The following AGTPBP1 variants were observed in gnomAD, a reference collection of about 807,000 sequenced individuals.
AGTPBP1 encodes the protein cytosolic carboxypeptidase 1.
Under a neutral mutation model 143.9 loss-of-function variants are expected in AGTPBP1, and 70 were observed. The ratio of observed to expected loss-of-function variants is 0.49; its 90% CI spans 0.40 to 0.59. The LOEUF (loss-of-function observed/expected upper bound fraction) is 0.59, where lower values mean the gene tolerates loss of function less well. Among genes scored for constraint, AGTPBP1 ranks in the 20% least tolerant of loss-of-function variants. The probability of loss-of-function intolerance (pLI) is 0.00; values close to 1 mark genes in which losing one functional copy is unlikely to be tolerated. For missense variants in AGTPBP1, 1,229 were observed against 1,464.5 expected (o/e 0.84, Z 2.62); for synonymous variants, 463 against 500.2 (o/e 0.93, Z 0.99).
chr9:85,643,582 A>G (rs905828554), intron 12 of AGTPBP1, among the ~76,000 whole-genome samples: 3 of 152,334 alleles, frequency 2.0e-5, no homozygotes, highest in African/African-American at 7.2e-5. Context: ...AGAAAAACTC[A>G]GTGTCACCAT....
chr9:85,722,012 G>C (rs1838160530), intron 1 of AGTPBP1, among the ~76,000 whole-genome samples: 1 of 152,156 alleles, frequency 6.6e-6, no homozygotes, highest in Non-Finnish European at 1.5e-5. Flanking sequence ...CTCTCTTCTG[G>C]CTTGTAGGGT....
chr9:85,639,510 CATT>C (rs1386752379), intron 13 of AGTPBP1, among the ~76,000 whole-genome samples: 1 of 152,028 alleles, frequency 6.6e-6, no homozygotes, highest in Non-Finnish European at 1.5e-5. Flanking sequence ...GCACTTTAAA[CATT>C]ATTTAGAGAT....
intron 8 of AGTPBP1, among the ~76,000 whole-genome samples, chr9:85,666,759 A>G (rs1468670740): frequency 6.6e-6 from 1 of 152,064 alleles, no homozygotes; most frequent in African/African-American, 2.4e-5. Context: ...CATCTTAAGT[A>G]GGAGATCATG....
chr9:85,630,399 T>G (rs186027318), intron 14 of AGTPBP1, among the ~76,000 whole-genome samples: 1 of 145,784 alleles, frequency 6.9e-6, no homozygotes, highest in Non-Finnish European at 1.5e-5. Flanking sequence ...TACTTATTTA[T>G]TTAGTTATTT....
At chr9:85,620,439 AGGTGTTTTTTTCCTCCACATAT>A (rs1458874159) in intron 15 of AGTPBP1, among the ~76,000 whole-genome samples, 1 of 149,826 alleles carries the variant, frequency 6.7e-6, no homozygotes, top group African/African-American at 2.4e-5. Context: ...AAAAAAAAAA[AGGTGTTTTTTTCCTCCACATAT>A]GATTGGCAAG....
chr9:85,650,629 G>A (rs946238346), intron 11 of AGTPBP1, among the ~76,000 whole-genome samples: 2 of 152,156 alleles, frequency 1.3e-5, no homozygotes, highest in Non-Finnish European at 2.9e-5. Flanking sequence ...GCACAGAGTC[G>A]ATACTGCTAA....
chr9:85,778,588 T>A, the AGTPBP1 span, among the ~76,000 whole-genome samples: 2 of 152,168 alleles, frequency 1.3e-5, no homozygotes, highest in Non-Finnish European at 2.9e-5. Flanking sequence ...GCCTTTCAGG[T>A]CACTCAATAA....
chr9:85,667,146 T>C (rs1471851639), intron 8 of AGTPBP1, among the ~76,000 whole-genome samples: 4 of 152,124 alleles, frequency 2.6e-5, no homozygotes, highest in Admixed American at 1.3e-4. Flanking sequence ...GTGTTACTGA[T>C]TGTGATACAA....
At chr9:85,781,657 T>C in the AGTPBP1 span, among the ~76,000 whole-genome samples, 1 of 152,232 alleles carries the variant, frequency 6.6e-6, no homozygotes, top group Non-Finnish European at 1.5e-5. Flanking sequence ...AACATAGCTG[T>C]TGTTTTCCTA....
chr9:85,655,518 C>T (rs1027569664), intron 10 of AGTPBP1, among the ~76,000 whole-genome samples, 198 bp from the exon 11 acceptor site: 2 of 152,042 alleles, frequency 1.3e-5, no homozygotes, highest in Non-Finnish European at 2.9e-5. Flanking sequence ...CCCCATGTGG[C>T]AAATTCAGAA....
intron 23 of AGTPBP1, among the ~76,000 whole-genome samples, chr9:85,580,461 G>C (rs192307759): frequency 6.6e-6 from 1 of 150,694 alleles, no homozygotes; most frequent in Non-Finnish European, 1.5e-5. Flanking sequence ...TCTGCGTCCC[G>C]GGTTCAAGCC....
intron 14 of AGTPBP1, among the ~76,000 whole-genome samples, chr9:85,624,461 C>A (rs1426240190): frequency 6.6e-6 from 1 of 152,182 alleles, no homozygotes; most frequent in Non-Finnish European, 1.5e-5. Flanking sequence ...CATATATACA[C>A]TGCATATAAA....
At chr9:85,669,648 T>C (rs1381928193) in intron 7 of AGTPBP1, 70 bp from the exon 8 acceptor site, 12 of 949,378 alleles carry the variant, frequency 1.3e-5, no homozygotes, top group Non-Finnish European at 2.0e-5. Flanking sequence ...TACTTAGTGA[T>C]ACATAGGCAA....
intron 2 of AGTPBP1, among the ~76,000 whole-genome samples, chr9:85,702,396 G>C (rs1488479485): frequency 6.6e-6 from 1 of 151,908 alleles, no homozygotes; most frequent in Non-Finnish European, 1.5e-5. Context: ...TGCTTTTATA[G>C]TATCTACTTT....
the AGTPBP1 span, among the ~76,000 whole-genome samples, chr9:85,772,937 T>A: frequency 2.0e-5 from 3 of 152,128 alleles, no homozygotes; most frequent in Admixed American, 2.0e-4. Context: ...TAAGAAATTA[T>A]GGAAGGGTGA....
chr9:85,665,974 A>G (rs1834107478), intron 8 of AGTPBP1, among the ~76,000 whole-genome samples: 1 of 152,174 alleles, frequency 6.6e-6, no homozygotes, highest in African/African-American at 2.4e-5. Context: ...TTAAAATGTT[A>G]GATTTATTGA....
the AGTPBP1 span, among the ~76,000 whole-genome samples, chr9:85,756,515 TGATG>T: frequency 8.1e-4 from 119 of 146,656 alleles, 1 homozygote; most frequent in African/African-American, 2.8e-3. Context: ...GTGGATGGAT[TGATG>T]GATGGATGGA....
At chr9:85,717,418 C>T (rs1454485545) in intron 1 of AGTPBP1, among the ~76,000 whole-genome samples, 1 of 152,206 alleles carries the variant, frequency 6.6e-6, no homozygotes, top group Non-Finnish European at 1.5e-5. Flanking sequence ...GTGACAACCA[C>T]TTGAGCACGG....
chr9:85,650,647 G>A (rs1340483557), intron 11 of AGTPBP1, among the ~76,000 whole-genome samples: 1 of 152,154 alleles, frequency 6.6e-6, no homozygotes, highest in Non-Finnish European at 1.5e-5. Context: ...TAATCCCCAA[G>A]TTGTTTTAGG....
Sources: gnomAD v4.1 joint callset for allele counts (sites outside exome capture counted in the v4.1 genomes callset) on GRCh38, gnomAD v4.1.1 for gene constraint, MANE v1.5 for transcripts, NCBI Gene and HGNC (gene_info 2026-07-23, HGNC 2026-07-21) for gene names.